PRKN: variants seen among roughly 807,000 people sequenced by gnomAD.
PRKN encodes the protein parkin RBR E3 ubiquitin protein ligase.
In PRKN, 56 loss-of-function variants were observed where a neutral mutation model predicts 59.5. That is an observed-to-expected ratio of 0.94 (90% CI 0.76 to 1.18). The LOEUF is 1.18. Ranked by LOEUF, PRKN falls within the 50% of genes most tolerant of loss-of-function variation. PRKN has a pLI of 0.00. For synonymous variants in PRKN, 250 were observed against 222.1 expected, an observed-to-expected ratio of 1.13 and a Z score of -1.12; for missense variants, 657 against 596.4, an observed-to-expected ratio of 1.10 and a Z score of -1.06.
intron 7 of PRKN, among the ~76,000 whole-genome samples, chr6:161,644,269 G>T (rs1380069458): frequency 6.6e-6 from 1 of 152,088 alleles, no homozygotes; most frequent in Non-Finnish European, 1.5e-5. Flanking sequence ...ATTCACTCAG[G>T]TTAGGGCATT....
At chr6:161,574,443 T>A (rs1311283110) in intron 7 of PRKN, among the ~76,000 whole-genome samples, 3 of 152,208 alleles carry the variant, frequency 2.0e-5, no homozygotes, top group Non-Finnish European at 1.5e-5. Flanking sequence ...TTCTTCTGCA[T>A]TGATTTTTGG....
At chr6:161,819,699 A>T (rs974805003) in intron 6 of PRKN, among the ~76,000 whole-genome samples, 11 of 152,310 alleles carry the variant, frequency 7.2e-5, no homozygotes, top group Non-Finnish European at 1.6e-4. Flanking sequence ...TGCTATTAAA[A>T]ACACATTTGG....
chr6:162,185,041 G>C (rs1451741898), intron 4 of PRKN, among the ~76,000 whole-genome samples: 2 of 152,084 alleles, frequency 1.3e-5, no homozygotes, highest in Non-Finnish European at 2.9e-5. Context: ...ATCTAATAAA[G>C]ACAAAAGTGG....
At chr6:162,064,192 A>G (rs1778230356) in intron 4 of PRKN, among the ~76,000 whole-genome samples, 1 of 152,224 alleles carries the variant, frequency 6.6e-6, no homozygotes, top group Non-Finnish European at 1.5e-5. Flanking sequence ...TTCCATTTAT[A>G]TGAAATCCAG....
intron 7 of PRKN, among the ~76,000 whole-genome samples, chr6:161,638,887 G>C (rs1464501558): frequency 6.6e-6 from 1 of 151,926 alleles, no homozygotes; most frequent in Non-Finnish European, 1.5e-5. Context: ...GATTACAGGC[G>C]TGTGCCACCA....
intron 7 of PRKN, among the ~76,000 whole-genome samples, chr6:161,646,596 G>A (rs545118194): frequency 4.6e-4 from 70 of 151,886 alleles, no homozygotes; most frequent in African/African-American, 1.1e-3. Flanking sequence ...CGTGCGTGGC[G>A]GAGGAGGTGG....
intron 1 of PRKN, among the ~76,000 whole-genome samples, chr6:162,552,005 C>G (rs570441159): frequency 6.6e-6 from 1 of 152,062 alleles, no homozygotes; most frequent in South Asian, 2.1e-4. Context: ...AACTAGGTAT[C>G]CTACCTAGAA....
rs1187347603 is a variant in PRKN at position 161,505,238 on chromosome 6, C to A, written c.1083+43616G>T. ...CATTCTAACTGGTGTGAGATGATAT[C>A]TCATTGTGGTTTTGATTTGCATTTC... On this transcript the variant is annotated intron_variant, in intron 9 of 11. Transcript: ENST00000366898. Among the ~76,000 whole-genome samples the A allele has an allele frequency of 2.0e-5, 3 of 152,116 alleles. No individual in the cohort carries two copies. In the East Asian group the frequency reaches 5.8e-4, roughly 29 times the overall value.
chr6:162,465,733 C>T (rs1006356892), intron 1 of PRKN, among the ~76,000 whole-genome samples: 2 of 152,170 alleles, frequency 1.3e-5, no homozygotes, highest in Admixed American at 1.3e-4. Context: ...CACACAGTGA[C>T]ATGGACATTT....
chr6:161,786,777 T>C (rs1790437448), intron 6 of PRKN, among the ~76,000 whole-genome samples: 2 of 152,322 alleles, frequency 1.3e-5, no homozygotes, highest in East Asian at 3.9e-4. Context: ...GGGATTCTTC[T>C]ACTGCAAGAT....
At chr6:162,614,070 T>G (rs1782299086) in intron 1 of PRKN, among the ~76,000 whole-genome samples, 1 of 152,212 alleles carries the variant, frequency 6.6e-6, no homozygotes, top group African/African-American at 2.4e-5. Flanking sequence ...CTGTAAATTA[T>G]TTCTTGCATT....
rs1406889507 is a variant in PRKN at position 161,409,965 on chromosome 6, A to G, written c.1084-23088T>C. ...TATTTCAGGGAGTATTTGAAACAGG[A>G]AGATTAAATTCTGTCTCATGTGTAT... On this transcript the variant is annotated intron_variant, in intron 9 of 11. Coordinates refer to ENST00000366898, the MANE Select transcript of PRKN (RefSeq NM_004562.3). This position sits in a 1 kb window ranked among gnomAD's most constrained non-coding sequence, Gnocchi z 4.6. 6.6e-6 allele frequency among the ~76,000 whole-genome samples: 1 copy of G among 152,176 alleles called. No homozygotes were observed. The highest frequency in any genetic ancestry group is 6.5e-5 in the Admixed American group (1 of 15,278).
chr6:162,334,589 G>GATACA lies in PRKN; in HGVS notation c.172-71825_172-71824insTGTAT, dbSNP rs1783747717. Among the ~76,000 whole-genome samples, 12 of 152,256 alleles carry GATACA rather than the reference G, an allele frequency of 7.9e-5. No individual in the cohort carries two copies. In the South Asian group the frequency reaches 2.5e-3, roughly 32 times the overall value. On this transcript the variant is annotated intron_variant, in intron 2 of 11. Coordinates refer to ENST00000366898, the MANE Select transcript of PRKN (RefSeq NM_004562.3). The stretch of plus-strand genomic sequence containing the variant: ...AACTGGTCACCCGAAAGATACACAA[G>GATACA]GAGATTAATTTTGTTTTTATGCCTA...
At chr6:161,899,670 C>T (rs1328906667) in intron 6 of PRKN, among the ~76,000 whole-genome samples, 1 of 152,172 alleles carries the variant, frequency 6.6e-6, no homozygotes, top group Non-Finnish European at 1.5e-5. Flanking sequence ...TCGAATGGGT[C>T]AGAATCAACA....
At chr6:162,058,957 G>GAAAAA (rs553927046) in intron 4 of PRKN, among the ~76,000 whole-genome samples, 31 of 87,280 alleles carry the variant, frequency 3.6e-4, no homozygotes, top group African/African-American at 8.1e-4. Flanking sequence ...GCCTCAACAA[G>GAAAAA]AAAAAAAAAA....
At chr6:161,860,439 T>C (rs1793848367) in intron 6 of PRKN, among the ~76,000 whole-genome samples, 1 of 152,190 alleles carries the variant, frequency 6.6e-6, no homozygotes, top group Non-Finnish European at 1.5e-5. Flanking sequence ...TTAAATCTTC[T>C]TTTTCAACAT....
At chr6:162,492,875 C>A (rs941498160) in intron 1 of PRKN, among the ~76,000 whole-genome samples, 5 of 150,984 alleles carry the variant, frequency 3.3e-5, no homozygotes, top group Non-Finnish European at 7.4e-5. Context: ...ATTGCTTGAA[C>A]CCGGGAGGCG....
At chr6:162,713,202 T>G (rs1050408730) in intron 1 of PRKN, among the ~76,000 whole-genome samples, 1 of 152,178 alleles carries the variant, frequency 6.6e-6, no homozygotes, top group Non-Finnish European at 1.5e-5. Flanking sequence ...AACTGGTATT[T>G]ATAAAATTAG....
intron 1 of PRKN, among the ~76,000 whole-genome samples, chr6:162,485,052 A>G (rs558720679): frequency 1.3e-3 from 194 of 152,346 alleles, no homozygotes; most frequent in African/African-American, 4.0e-3. Flanking sequence ...TGTAAATTCT[A>G]TAACATAAAA....
Sources: allele counts gnomAD v4.1 joint callset (sites outside exome capture counted in the v4.1 genomes callset), GRCh38; gene constraint gnomAD v4.1.1; non-coding constraint Gnocchi (gnomAD v3.1); transcripts MANE v1.5; gene names NCBI Gene and HGNC (gene_info 2026-07-23, HGNC 2026-07-21).